The following CNTNAP2 variants were observed in gnomAD, a reference collection of about 807,000 sequenced individuals.
The protein encoded by CNTNAP2 is contactin-associated protein-like 2.
Under a neutral mutation model 155.2 loss-of-function variants are expected in CNTNAP2, and 98 were observed. The observed-to-expected ratio is 0.63, with a 90% CI of 0.54 to 0.75. The LOEUF (loss-of-function observed/expected upper bound fraction) is 0.75, where lower values mean the gene tolerates loss of function less well. CNTNAP2 is among the 30% of genes least tolerant of loss of function. The probability of loss-of-function intolerance (pLI) is 0.00; values close to 1 mark genes in which losing one functional copy is unlikely to be tolerated. For missense variants in CNTNAP2, 1,727 were observed against 1,688.1 expected (o/e 1.02, Z -0.40); for synonymous variants, 651 against 631.2 (o/e 1.03, Z -0.47).
In CNTNAP2 at chr7:147,738,283, A is replaced by G. The variant is rs1007012867; in HGVS notation, c.2098+98977A>G. Among the ~76,000 whole-genome samples the G allele has an allele frequency of 2.6e-5, 4 of 152,238 alleles. No homozygotes were observed. In the East Asian group the frequency reaches 7.7e-4, roughly 29 times the overall value. ...ACTTAATTAATAAAGCAACAACGGG[A>G]TTTGAGAGGACTGACTCCAATTTTG... On this transcript the variant is annotated intron_variant, in intron 13 of 23. Transcript: ENST00000361727.
rs546991276 is a variant in CNTNAP2 at position 147,021,137 on chromosome 7, A to G, written c.403-22770A>G. Among the ~76,000 whole-genome samples the G allele has an allele frequency of 1.3e-3, 199 of 152,280 alleles. 4 individuals are homozygous for G. The highest frequency in any genetic ancestry group is 4.2e-3 in the African/African-American group (176 of 41,566). On this transcript the variant is annotated intron_variant, in intron 3 of 23. Coordinates refer to ENST00000361727, the MANE Select transcript of CNTNAP2 (RefSeq NM_014141.6). The stretch of plus-strand genomic sequence containing the variant: ...GTACGCAGGCTGCATGCAGCCCAGG[A>G]TGGTTTAGAATGTGGCCCAACACCA...
rs1333702746 is a variant in CNTNAP2, at chr7:146,721,042, CTATA to C, written c.98-53222_98-53219del. ...ATATATTATATATACTCTATATATT[CTATA>C]TATATACTCTATATTCTATATATAT... is the stretch of plus-strand genomic sequence containing the variant. On this transcript the variant is annotated intron_variant, in intron 1 of 23. Coordinates refer to ENST00000361727, the MANE Select transcript of CNTNAP2 (RefSeq NM_014141.6). 4.1e-4 allele frequency among the ~76,000 whole-genome samples: 48 copies of C among 115,786 alleles called. 1 individual carries two copies. The South Asian group carries it at 9.9e-3, about 24-fold the overall frequency. The allele number at this position is 115,786 out of a possible 152,430, so 76.0% of individuals were successfully genotyped here.
intron 3 of CNTNAP2, among the ~76,000 whole-genome samples, chr7:146,907,454 G>A (rs1188088863): frequency 1.3e-3 from 182 of 141,270 alleles, no homozygotes; most frequent in Non-Finnish European, 2.0e-3. Context: ...CGGATCTCTC[G>A]GCAGAAACCC....
At chr7:146,846,959 A>C (rs1011860464) in intron 3 of CNTNAP2, among the ~76,000 whole-genome samples, 1 of 143,802 alleles carries the variant, frequency 7.0e-6, no homozygotes, top group African/African-American at 3.0e-5. Context: ...GTTATCAATT[A>C]TACTAATATT....
At chr7:147,151,659 G>A (rs527947979) in intron 8 of CNTNAP2, among the ~76,000 whole-genome samples, 1 of 151,898 alleles carries the variant, frequency 6.6e-6, no homozygotes, top group South Asian at 2.1e-4. Context: ...TTTATGGAAA[G>A]CTTTTTCTAA....
At chr7:147,922,494 T>C (rs940837511) in intron 14 of CNTNAP2, among the ~76,000 whole-genome samples, 11 of 152,354 alleles carry the variant, frequency 7.2e-5, no homozygotes, top group Admixed American at 4.6e-4. Flanking sequence ...CCAGGACTGC[T>C]CACTGTGTGA....
chr7:147,417,169 C>T (rs1259881983), intron 10 of CNTNAP2, among the ~76,000 whole-genome samples: 4 of 152,024 alleles, frequency 2.6e-5, no homozygotes, highest in Non-Finnish European at 4.4e-5. Context: ...ATCTCAACCA[C>T]GGTTATGTAT....
At chr7:148,360,816 C>CT (rs1231168802) in intron 21 of CNTNAP2, among the ~76,000 whole-genome samples, 1,634 of 126,844 alleles carry the variant, frequency 0.013, 13 homozygotes, top group Admixed American at 0.028. Flanking sequence ...TTTTCTTTTT[C>CT]TTTTTTTTTT....
chr7:147,167,221 C>T (rs1287590245), intron 8 of CNTNAP2: 1 of 335,604 alleles, frequency 3.0e-6, no homozygotes, highest in Non-Finnish European at 5.4e-6. Flanking sequence ...CCAGGATTCC[C>T]AGAAAGATGC....
intron 1 of CNTNAP2, among the ~76,000 whole-genome samples, chr7:146,586,421 G>A (rs1217142090): frequency 6.6e-6 from 1 of 152,048 alleles, no homozygotes; most frequent in East Asian, 1.9e-4. Flanking sequence ...ACTTCTAAAG[G>A]TAGGAGAGAG....
chr7:147,717,836 G>T (rs1398838977), intron 13 of CNTNAP2, among the ~76,000 whole-genome samples: 1 of 151,902 alleles, frequency 6.6e-6, no homozygotes, highest in Admixed American at 6.6e-5. Context: ...AGTTATGATG[G>T]TGCCACTGCA....
intron 8 of CNTNAP2, among the ~76,000 whole-genome samples, chr7:147,140,518 A>G (rs1263618232): frequency 6.6e-6 from 1 of 151,772 alleles, no homozygotes. Context: ...AATTTTAACT[A>G]CCTCCCAATC....
chr7:146,571,593 A>G (rs1798440405), intron 1 of CNTNAP2, among the ~76,000 whole-genome samples: 3 of 152,044 alleles, frequency 2.0e-5, no homozygotes, highest in East Asian at 1.9e-4. Flanking sequence ...ATCCCATGCA[A>G]TTTTCATATG....
intron 1 of CNTNAP2, among the ~76,000 whole-genome samples, chr7:146,435,834 G>A (rs1055185228): frequency 6.6e-6 from 1 of 152,132 alleles, no homozygotes; most frequent in African/African-American, 2.4e-5. Context: ...AAAGAGTTAA[G>A]TTAGGAAATG....
At chr7:146,633,455 G>T (rs1008213615) in intron 1 of CNTNAP2, among the ~76,000 whole-genome samples, 8 of 152,074 alleles carry the variant, frequency 5.3e-5, no homozygotes, top group African/African-American at 1.9e-4. Context: ...TCTGTAAATG[G>T]ATAGGATACC....
At chr7:147,410,684 G>C (rs1273974551) in intron 10 of CNTNAP2, among the ~76,000 whole-genome samples, 1 of 152,184 alleles carries the variant, frequency 6.6e-6, no homozygotes, top group Non-Finnish European at 1.5e-5. Context: ...AAAAGCAGCT[G>C]TTCTAACTGA....
chr7:148,298,890 G>A (rs1467551323), intron 21 of CNTNAP2, among the ~76,000 whole-genome samples: 1 of 151,810 alleles, frequency 6.6e-6, no homozygotes, highest in African/African-American at 2.4e-5. Flanking sequence ...GTAAAGATGG[G>A]GTCTCACTAA....
chr7:148,370,073 A>G (rs528843090), intron 21 of CNTNAP2, among the ~76,000 whole-genome samples: 1 of 152,306 alleles, frequency 6.6e-6, no homozygotes, highest in South Asian at 2.1e-4. Context: ...TGGATGACAT[A>G]TAATGTGTCT....
intron 1 of CNTNAP2, among the ~76,000 whole-genome samples, chr7:146,198,572 TTTTC>T (rs1210203828): frequency 6.6e-6 from 1 of 152,196 alleles, no homozygotes; most frequent in Non-Finnish European, 1.5e-5. Flanking sequence ...ATGTGCCTTG[TTTTC>T]AAACCAGTTC....
Sources: allele counts gnomAD v4.1 joint callset (sites outside exome capture counted in the v4.1 genomes callset), GRCh38; gene constraint gnomAD v4.1.1; transcripts MANE v1.5; gene names NCBI Gene and HGNC (gene_info 2026-07-23, HGNC 2026-07-21).